The following NRCAM variants were observed in gnomAD, a reference collection of about 807,000 sequenced individuals.
NRCAM encodes NgCAM-related cell adhesion molecule.
A neutral mutation model predicts 156.5 loss-of-function variants in NRCAM; 83 were observed. The ratio of observed to expected loss-of-function variants is 0.53; its 90% confidence interval spans 0.44 to 0.64. The LOEUF (loss-of-function observed/expected upper bound fraction) is 0.64, where lower values mean the gene tolerates loss of function less well. Among genes scored for constraint, NRCAM ranks in the 30% least tolerant of loss-of-function variants. NRCAM has a pLI of 0.00. For missense variants in NRCAM, 1,417 were observed against 1,597.3 expected (o/e 0.89, Z 1.92); for synonymous variants, 538 against 563.9 (o/e 0.95, Z 0.65).
intron 2 of NRCAM, among the ~76,000 whole-genome samples, chr7:108,369,652 C>T (rs2154339480): frequency 6.6e-6 from 1 of 152,220 alleles, no homozygotes; most frequent in East Asian, 1.9e-4. Flanking sequence ...TCCCCTAGTA[C>T]ACTAAGAAGT....
At chr7:108,385,280 T>C (rs1225988436) in intron 2 of NRCAM, among the ~76,000 whole-genome samples, 2 of 152,210 alleles carry the variant, frequency 1.3e-5, no homozygotes, top group South Asian at 2.1e-4. Context: ...TCTGATGCAC[T>C]CTAGGAGGCG....
intron 11 of NRCAM, among the ~76,000 whole-genome samples, chr7:108,210,932 T>C (rs1448276432): frequency 1.3e-5 from 2 of 152,160 alleles, no homozygotes; most frequent in Non-Finnish European, 2.9e-5. Flanking sequence ...TCATGGCAGA[T>C]GGGAGGCAGA....
chr7:108,234,717 A>C, intron 5 of NRCAM, 29 bp from the exon 6 acceptor site: 1 of 1,476,164 alleles, frequency 6.8e-7, no homozygotes, highest in Non-Finnish European at 9.5e-7. Flanking sequence ...AAAATGTAAA[A>C]AAACAAATTA....
At chr7:108,209,280 G>C (rs1588319215) in intron 12 of NRCAM, 141 bp downstream of exon 12, 1 of 579,030 alleles carries the variant, frequency 1.7e-6, no homozygotes, top group Non-Finnish European at 2.9e-6. Context: ...ACTACCAATA[G>C]CAATGAGAAG....
intron 2 of NRCAM, among the ~76,000 whole-genome samples, chr7:108,379,422 T>A (rs2099691299): frequency 6.6e-6 from 1 of 152,090 alleles, no homozygotes; most frequent in Non-Finnish European, 1.5e-5. Context: ...ACCTAGAGTA[T>A]TCAAAATTAT....
intron 1 of NRCAM, among the ~76,000 whole-genome samples, chr7:108,413,007 A>G (rs1797340293): frequency 6.6e-6 from 1 of 152,200 alleles, no homozygotes; most frequent in African/African-American, 2.4e-5. Flanking sequence ...CTATGAACAC[A>G]GGAGTTCAGA....
chr7:108,150,075 A>G lies in NRCAM; in HGVS notation c.3750T>C (p.Asp1250=), dbSNP rs1326633073. 29 of 1,613,940 alleles carry G rather than the reference A, an allele frequency of 1.8e-5. No individual in the cohort carries two copies. The highest frequency in any genetic ancestry group is 5.5e-5 in the South Asian group (5 of 91,076). The part of the protein sequence containing the change: ...TPSDRTVKKE[D]SDDSLVDYGE... ...CATAGTCAACTAGGCTGTCGTCACTATCTTCTTTTTTCACAGTCCTGTCTG... is the reference window on the plus strand; with the variant it reads ...CATAGTCAACTAGGCTGTCGTCACTGTCTTCTTTTTTCACAGTCCTGTCTG... Residue 1250 remains aspartate (D), a synonymous_variant, in exon 33 of 33, where the codon GAT becomes GAC. Transcript: ENST00000379028.
intron 2 of NRCAM, among the ~76,000 whole-genome samples, chr7:108,372,461 A>G (rs1481184567): frequency 1.3e-5 from 2 of 152,174 alleles, no homozygotes; most frequent in Admixed American, 1.3e-4. Context: ...CATTTGCCCG[A>G]TAAGGAGTTA....
intron 2 of NRCAM, among the ~76,000 whole-genome samples, chr7:108,345,273 AG>A (rs749265214): frequency 7.2e-5 from 11 of 152,190 alleles, no homozygotes; most frequent in Non-Finnish European, 1.0e-4. Context: ...AAGGTTCCTC[AG>A]TTATTCAGTA....
chr7:108,244,598 T>C (rs972720973), intron 3 of NRCAM, among the ~76,000 whole-genome samples: 3 of 152,160 alleles, frequency 2.0e-5, no homozygotes, highest in African/African-American at 7.2e-5. Flanking sequence ...CAATTACATC[T>C]ACACCACTAC....
At chr7:108,428,945 T>G (rs200901227) in intron 1 of NRCAM, among the ~76,000 whole-genome samples, 1 of 76,560 alleles carries the variant, frequency 1.3e-5, no homozygotes, top group Admixed American at 1.4e-4. Flanking sequence ...TTCTTTTCTT[T>G]TCTTCTTTTT....
intron 3 of NRCAM, among the ~76,000 whole-genome samples, chr7:108,244,344 C>T (rs1220435631): frequency 1.3e-5 from 2 of 152,106 alleles, no homozygotes; most frequent in South Asian, 2.1e-4. Context: ...ATCAGTGGCT[C>T]GCCTCAGTGA....
chr7:108,453,167 A>G (rs1394100369), intron 1 of NRCAM, among the ~76,000 whole-genome samples: 4 of 152,238 alleles, frequency 2.6e-5, no homozygotes, highest in Admixed American at 6.5e-5. Flanking sequence ...TGAAGGAATG[A>G]ATGAATGAAA....
At chr7:108,374,234 A>C (rs2099651353) in intron 2 of NRCAM, among the ~76,000 whole-genome samples, 1 of 152,198 alleles carries the variant, frequency 6.6e-6, no homozygotes, top group African/African-American at 2.4e-5. Flanking sequence ...ACACATGGAG[A>C]AGAATCTAGT....
chr7:108,435,920 T>C (rs917182406), intron 1 of NRCAM, among the ~76,000 whole-genome samples: 1 of 152,014 alleles, frequency 6.6e-6, no homozygotes. Flanking sequence ...ATCACGAGGG[T>C]AGGAGATCCA....
At chr7:108,227,028 C>A (rs1385260452) in intron 8 of NRCAM, among the ~76,000 whole-genome samples, 1 of 152,224 alleles carries the variant, frequency 6.6e-6, no homozygotes, top group Non-Finnish European at 1.5e-5. Flanking sequence ...CTCTACAATT[C>A]TTTTCTGAAT....
intron 2 of NRCAM, among the ~76,000 whole-genome samples, chr7:108,333,888 A>G (rs2099151965): frequency 6.6e-6 from 1 of 152,168 alleles, no homozygotes; most frequent in South Asian, 2.1e-4. Context: ...ATTCTTCACA[A>G]AACCCCCATC....
At position 108,255,152 on chromosome 7, in the gene NRCAM, T is replaced by TCCCTCTCCCTCTCC. The variant is rs1302347912; in HGVS notation, c.-106-14996_-106-14983dup. Among the ~76,000 whole-genome samples the TCCCTCTCCCTCTCC allele has an allele frequency of 3.3e-5, 4 of 121,414 alleles. No individual in the cohort carries two copies. In the East Asian group the frequency reaches 8.1e-4, roughly 24 times the overall value. 79.7% of individuals were successfully genotyped at this position (121,414 alleles called of 152,430 possible). On this transcript the variant is annotated intron_variant, in intron 3 of 32. Coordinates refer to ENST00000379028, the MANE Select transcript of NRCAM (RefSeq NM_001037132.4). ...CTCAAAACTATGCTGAGTGAGCCTC[T>TCCCTCTCCCTCTCC]CCCTCTCCCTCTCCCCCTCCCCCCC...
chr7:108,157,758 A>C (rs2046425643), intron 32 of NRCAM, among the ~76,000 whole-genome samples: 1 of 152,134 alleles, frequency 6.6e-6, no homozygotes, highest in African/African-American at 2.4e-5. Context: ...TCGCTGTAAG[A>C]GCAAGCTGAT....
Sources: gnomAD v4.1 joint callset for allele counts (sites outside exome capture counted in the v4.1 genomes callset) on GRCh38, gnomAD v4.1.1 for gene constraint, MANE v1.5 for transcripts, NCBI Gene and HGNC (gene_info 2026-07-23, HGNC 2026-07-21) for gene names.